Variants in ADAMTSL1 observed in about 807,000 individuals in gnomAD.
The protein encoded by ADAMTSL1 is ADAMTS like 1.
In ADAMTSL1, 126 loss-of-function variants were observed where a neutral mutation model predicts 201.8. That is an observed-to-expected ratio of 0.62 (90% CI 0.54 to 0.72). ADAMTSL1 has a LOEUF of 0.72. Among genes scored for constraint, ADAMTSL1 ranks in the 30% least tolerant of loss-of-function variants. ADAMTSL1 has a pLI of 0.00. For missense variants in ADAMTSL1, 2,679 were observed against 2,277.8 expected (o/e 1.18, Z -3.59); for synonymous variants, 1,121 against 903.4 (o/e 1.24, Z -4.32).
intron 16 of ADAMTSL1, among the ~76,000 whole-genome samples, chr9:18,761,582 C>G (rs1358380421): frequency 1.3e-5 from 2 of 152,014 alleles, no homozygotes; most frequent in Non-Finnish European, 2.9e-5. Flanking sequence ...CTCATAAAGG[C>G]AAACATTTTT....
chr9:18,005,763 G>C (rs1313441239), intron 1 of ADAMTSL1, among the ~76,000 whole-genome samples: 8 of 151,968 alleles, frequency 5.3e-5, no homozygotes, highest in Non-Finnish European at 1.2e-4. Context: ...TAGTTTCTTT[G>C]GATCTTTGGC....
intron 1 of ADAMTSL1, among the ~76,000 whole-genome samples, chr9:18,013,448 T>C (rs1356833647): frequency 6.6e-6 from 1 of 152,038 alleles, no homozygotes; most frequent in African/African-American, 2.4e-5. Context: ...CAGTCTTACC[T>C]TGAGAGTTCA....
intron 1 of ADAMTSL1, among the ~76,000 whole-genome samples, chr9:18,093,854 C>T (rs554038975): frequency 3.2e-4 from 48 of 152,156 alleles, no homozygotes; most frequent in African/African-American, 9.9e-4. Flanking sequence ...GGAAGTGGGG[C>T]TGGATGAGGA....
intron 2 of ADAMTSL1, among the ~76,000 whole-genome samples, chr9:18,227,287 T>G (rs992532029): frequency 3.9e-5 from 6 of 152,178 alleles, no homozygotes; most frequent in Admixed American, 2.0e-4. Flanking sequence ...GATGCTTGGC[T>G]CTGTGCATGT....
intron 1 of ADAMTSL1, among the ~76,000 whole-genome samples, chr9:18,036,643 C>T (rs1037992163): frequency 1.3e-5 from 2 of 152,098 alleles, no homozygotes; most frequent in African/African-American, 4.8e-5. Context: ...AGATCAGTGA[C>T]ACATACTGGG....
intron 1 of ADAMTSL1, among the ~76,000 whole-genome samples, chr9:17,922,971 T>C (rs1372197764): frequency 1.3e-5 from 2 of 152,118 alleles, no homozygotes; most frequent in African/African-American, 2.4e-5. Context: ...GAACACAGCT[T>C]CTGTGTGTTT....
At chr9:17,917,405 T>C (rs1024803463) in intron 1 of ADAMTSL1, among the ~76,000 whole-genome samples, 3 of 152,074 alleles carry the variant, frequency 2.0e-5, no homozygotes, top group Non-Finnish European at 4.4e-5. Context: ...TTATTCTTCA[T>C]TTGCTGAGTG....
intron 25 of ADAMTSL1, among the ~76,000 whole-genome samples, chr9:18,891,224 G>A (rs1829247309): frequency 6.6e-6 from 1 of 152,126 alleles, no homozygotes; most frequent in Non-Finnish European, 1.5e-5. Flanking sequence ...TTGCCTGCCA[G>A]GCATTTGGAA....
At chr9:18,643,493 C>G (rs1178567202) in intron 7 of ADAMTSL1, among the ~76,000 whole-genome samples, 2 of 151,866 alleles carry the variant, frequency 1.3e-5, no homozygotes, top group Non-Finnish European at 2.9e-5. Context: ...TTGCCCAGAC[C>G]AATTGCAGAT....
At chr9:18,626,661 A>C (rs908696290) in intron 5 of ADAMTSL1, among the ~76,000 whole-genome samples, 2 of 152,214 alleles carry the variant, frequency 1.3e-5, no homozygotes, top group African/African-American at 4.8e-5. Context: ...TAACTTGATC[A>C]GATTTCTGCT....
intron 1 of ADAMTSL1, among the ~76,000 whole-genome samples, chr9:18,025,649 C>A (rs1270801580): frequency 6.6e-6 from 1 of 152,112 alleles, no homozygotes; most frequent in Non-Finnish European, 1.5e-5. Flanking sequence ...GTTTTGGTTA[C>A]TGTGGCCTTG....
At chr9:18,472,814 C>G (rs1320716345), upstream of ADAMTSL1, among the ~76,000 whole-genome samples, 2 of 152,196 alleles carry the variant, frequency 1.3e-5, no homozygotes, top group Non-Finnish European at 2.9e-5. Context: ...AAAGGGAAAA[C>G]GTCCTGATGA....
intron 1 of ADAMTSL1, among the ~76,000 whole-genome samples, chr9:18,048,911 G>C (rs142395685): frequency 2.1e-3 from 314 of 152,276 alleles, no homozygotes; most frequent in Admixed American, 4.6e-3. Context: ...AGTTCAGGGG[G>C]CCAGAAATCC....
chr9:18,112,446 C>G (rs1825064735), intron 1 of ADAMTSL1, among the ~76,000 whole-genome samples: 1 of 151,752 alleles, frequency 6.6e-6, no homozygotes, highest in Non-Finnish European at 1.5e-5. Context: ...CTCAGTTGCC[C>G]ATAACAGTTA....
chr9:18,718,017 CTG>C, intron 14 of ADAMTSL1: 1 of 1,594,874 alleles, frequency 6.3e-7, no homozygotes, highest in Non-Finnish European at 8.6e-7. Flanking sequence ...TTCCCAGGCA[CTG>C]GAGTTTTTCT....
intron 25 of ADAMTSL1, among the ~76,000 whole-genome samples, chr9:18,890,201 G>A (rs761398182): frequency 1.3e-5 from 2 of 152,242 alleles, no homozygotes; most frequent in Non-Finnish European, 2.9e-5. Flanking sequence ...CTCCAGTTCA[G>A]TTGGGGAAAT....
chr9:18,798,269 G>A (rs553316626), intron 20 of ADAMTSL1, among the ~76,000 whole-genome samples: 2 of 152,242 alleles, frequency 1.3e-5, no homozygotes, highest in South Asian at 4.2e-4. Context: ...GGGCTCTGGA[G>A]CCTTAGGGTC....
At chr9:17,996,422 T>C (rs1305788418) in intron 1 of ADAMTSL1, among the ~76,000 whole-genome samples, 1 of 152,092 alleles carries the variant, frequency 6.6e-6, no homozygotes, top group Non-Finnish European at 1.5e-5. Context: ...TGAGCTACAA[T>C]GTTATATTCA....
chr9:17,997,220 A>C (rs767133380), intron 1 of ADAMTSL1, among the ~76,000 whole-genome samples: 17 of 152,138 alleles, frequency 1.1e-4, no homozygotes, highest in Non-Finnish European at 1.9e-4. Context: ...ATGGTCTAAA[A>C]ACAGGTTCCC....
Sources: allele counts gnomAD v4.1 joint callset (sites outside exome capture counted in the v4.1 genomes callset), GRCh38; gene constraint gnomAD v4.1.1; transcripts MANE v1.5; gene names NCBI Gene and HGNC (gene_info 2026-07-23, HGNC 2026-07-21).